ZSWIM6: variants seen among roughly 807,000 people sequenced by gnomAD.
ZSWIM6 encodes zinc finger SWIM-type containing 6, also known as zinc finger SWIM domain-containing protein 6.
ZSWIM6 carries 9 observed loss-of-function variants against 113.2 expected under a neutral mutation model. The observed-to-expected ratio is 0.08, with a 90% confidence interval of 0.05 to 0.14. ZSWIM6 has a LOEUF of 0.14. Ranked by LOEUF, ZSWIM6 falls within the 10% of genes least tolerant of loss-of-function variation. The probability of loss-of-function intolerance (pLI) is 1.00; values close to 1 mark genes in which losing one functional copy is unlikely to be tolerated. For synonymous variants in ZSWIM6, 611 were observed against 606.5 expected, an observed-to-expected ratio of 1.01 and a Z score of -0.11; for missense variants, 1,162 against 1,552.2, an observed-to-expected ratio of 0.75 and a Z score of 4.22.
At chr5:61,395,434 A>G (rs1745817079) in intron 1 of ZSWIM6, among the ~76,000 whole-genome samples, 1 of 152,140 alleles carries the variant, frequency 6.6e-6, no homozygotes, top group African/African-American at 2.4e-5. Flanking sequence ...CCCCCCATTC[A>G]TACCTGTACA....
chr5:61,489,203 T>G (rs1748114155), intron 2 of ZSWIM6, among the ~76,000 whole-genome samples: 1 of 152,018 alleles, frequency 6.6e-6, no homozygotes. Flanking sequence ...GACCTTTACT[T>G]CATTTTTAAT....
At chr5:61,437,470 C>T (rs1183097803) in intron 1 of ZSWIM6, among the ~76,000 whole-genome samples, 1 of 152,048 alleles carries the variant, frequency 6.6e-6, no homozygotes, top group Non-Finnish European at 1.5e-5. Context: ...CGCCTGTAGT[C>T]CTAGCACTTT....
At chr5:61,392,598 C>G (rs1745744876) in intron 1 of ZSWIM6, among the ~76,000 whole-genome samples, 1 of 152,124 alleles carries the variant, frequency 6.6e-6, no homozygotes, top group African/African-American at 2.4e-5. Flanking sequence ...ACTTCACATT[C>G]TGTTTACCGG....
At chr5:61,530,496 TA>T (rs1456525293) in intron 8 of ZSWIM6, among the ~76,000 whole-genome samples, 3 of 152,236 alleles carry the variant, frequency 2.0e-5, no homozygotes, top group Non-Finnish European at 4.4e-5. Context: ...CTTCTTAGCA[TA>T]AAGTTATAAA....
Position 61,544,260 on chromosome 5 carries a change from A to G in ZSWIM6, c.3591A>G (p.Lys1197=), listed in dbSNP as rs1474982771. 2 of 1,547,604 alleles carry G rather than the reference A, an allele frequency of 1.3e-6. No homozygotes were observed. Among genetic ancestry groups the G allele is most frequent in the Non-Finnish European group, 1.7e-6 (2 of 1,146,494 alleles). Residue 1197 remains lysine, a synonymous_variant, in exon 14 of 14, where the codon AAA becomes AAG. Transcript: ENST00000252744. ...TTACACAGTTTATTGACAACCTGAA[A>G]CAAATCTACAAAGGCAAAAAGAAAC... ...IQFTQFIDNL[K]QIYKGKKKLM...
At chr5:61,539,308 G>A (rs1749666197) in intron 11 of ZSWIM6, among the ~76,000 whole-genome samples, 1 of 152,170 alleles carries the variant, frequency 6.6e-6, no homozygotes, top group African/African-American at 2.4e-5. Flanking sequence ...AGCTGTTGCT[G>A]TCTCATGTTG....
intron 1 of ZSWIM6, among the ~76,000 whole-genome samples, chr5:61,411,375 A>C (rs1368037914): frequency 6.6e-6 from 1 of 152,166 alleles, no homozygotes; most frequent in African/African-American, 2.4e-5. Flanking sequence ...TGCTTCCCTG[A>C]AGTCTTGATA....
intron 12 of ZSWIM6, among the ~76,000 whole-genome samples, chr5:61,541,251 A>G (rs1749730025): frequency 6.6e-6 from 1 of 152,024 alleles, no homozygotes; most frequent in African/African-American, 2.4e-5. Flanking sequence ...CCGTCCCTGG[A>G]TATTTTGAAT....
At chr5:61,417,990 A>G (rs755228122) in intron 1 of ZSWIM6, among the ~76,000 whole-genome samples, 1 of 152,234 alleles carries the variant, frequency 6.6e-6, no homozygotes, top group Non-Finnish European at 1.5e-5. Flanking sequence ...ATCAATTTAC[A>G]TATGAATAAC....
chr5:61,479,542 TAACTG>T (rs1747801107), intron 2 of ZSWIM6, among the ~76,000 whole-genome samples: 1 of 152,180 alleles, frequency 6.6e-6, no homozygotes, highest in African/African-American at 2.4e-5. Flanking sequence ...CTCTCTCATT[TAACTG>T]GCCTCCAATC....
At chr5:61,336,414 C>G (rs1244256772) in intron 1 of ZSWIM6, among the ~76,000 whole-genome samples, 1 of 152,076 alleles carries the variant, frequency 6.6e-6, no homozygotes. Flanking sequence ...AAGAGCTTCC[C>G]TGGTATGACC....
chr5:61,447,482 C>T (rs1433640348), intron 1 of ZSWIM6, among the ~76,000 whole-genome samples: 1 of 152,150 alleles, frequency 6.6e-6, no homozygotes, highest in African/African-American at 2.4e-5. Context: ...AGGAGCAAAT[C>T]CAGCTGCTGG....
intron 8 of ZSWIM6, 63 bp downstream of exon 8, chr5:61,530,261 A>G: frequency 6.9e-7 from 1 of 1,446,302 alleles, no homozygotes; most frequent in Non-Finnish European, 9.2e-7. Context: ...GGCAGTAGTC[A>G]TTGTTTTTCT....
intron 1 of ZSWIM6, among the ~76,000 whole-genome samples, chr5:61,431,355 G>C (rs1248333682): frequency 5.6e-5 from 6 of 107,326 alleles, no homozygotes; most frequent in East Asian, 3.1e-4. Flanking sequence ...CCTGGCGACA[G>C]AGCAAGACTC....
At chr5:61,534,528 G>A (rs1393834460) in intron 9 of ZSWIM6, among the ~76,000 whole-genome samples, 1 of 152,122 alleles carries the variant, frequency 6.6e-6, no homozygotes, top group Non-Finnish European at 1.5e-5. Context: ...GAGCAGTGGT[G>A]TCATGGTTCA....
At chr5:61,509,942 C>T (rs1303703262) in intron 4 of ZSWIM6, among the ~76,000 whole-genome samples, 1 of 152,038 alleles carries the variant, frequency 6.6e-6, no homozygotes, top group Non-Finnish European at 1.5e-5. Flanking sequence ...ATTTCTTCAA[C>T]ATCCAAGTCT....
chr5:61,406,844 C>G (rs1435669155), intron 1 of ZSWIM6, among the ~76,000 whole-genome samples: 3 of 152,086 alleles, frequency 2.0e-5, no homozygotes, highest in Admixed American at 6.5e-5. Context: ...TCCTGAGTAG[C>G]TGGGATTACA....
At position 61,369,447 on chromosome 5, in the gene ZSWIM6, GA is replaced by G. The variant is rs530727425; in HGVS notation, c.676+36501del. ...CACTAACCAAAAGGCCAAATTCTCA[GA>G]ATCCATTGTAGTAATGTATACTTTA... On this transcript the variant is annotated intron_variant, in intron 1 of 13. Transcript: ENST00000252744. Among the ~76,000 whole-genome samples the G allele has an allele frequency of 1.5e-4, 23 of 152,338 alleles. No homozygotes were observed. In the South Asian group the frequency reaches 4.8e-3, roughly 32 times the overall value.
chr5:61,392,259 G>T (rs1364117907), intron 1 of ZSWIM6, among the ~76,000 whole-genome samples: 1 of 152,216 alleles, frequency 6.6e-6, no homozygotes, highest in Non-Finnish European at 1.5e-5. Flanking sequence ...ACACATGGTA[G>T]TTGCATCCAA....
Sources: gnomAD v4.1 joint callset for allele counts (sites outside exome capture counted in the v4.1 genomes callset) on GRCh38, gnomAD v4.1.1 for gene constraint, MANE v1.5 for transcripts, NCBI Gene and HGNC (gene_info 2026-07-23, HGNC 2026-07-21) for gene names.